JAG1: variants seen among roughly 807,000 people sequenced by gnomAD.
JAG1 encodes the protein jagged canonical Notch ligand 1.
Under a neutral mutation model 148.7 loss-of-function variants are expected in JAG1, and 23 were observed. That is an observed-to-expected ratio of 0.15 (90% CI 0.11 to 0.22). The LOEUF is 0.22. JAG1 is among the 10% of genes least tolerant of loss of function. The pLI is 1.00. For missense variants in JAG1, 1,054 were observed against 1,611.2 expected (o/e 0.65, Z 5.92); for synonymous variants, 572 against 598.3 (o/e 0.96, Z 0.64).
In JAG1 at chr20:10,641,447, GGTT is replaced by G; in HGVS notation, c.2916+10_2916+12del. The G allele has an allele frequency of 6.2e-7, 1 of 1,604,306 alleles. No homozygotes were observed. On this transcript the variant is annotated intron_variant, in intron 23 of 25. Transcript: ENST00000254958. ...ATCCACCATTCAAAAAAAAAACAAA[GGTT>G]GTTACATACTGGTGACATCATCTCC... is the stretch of plus-strand genomic sequence containing the variant.
Position 10,642,354 on chromosome 20 carries a change from T to A in JAG1, c.2572+134A>T, listed in dbSNP as rs142231968. 8 of 698,944 alleles carry A rather than the reference T, an allele frequency of 1.1e-5. 1 individual carries two copies. In the South Asian group the frequency reaches 1.2e-4, roughly 10 times the overall value. 43.3% of individuals were successfully genotyped at this position (698,944 alleles called of 1,614,324 possible). On this transcript the variant is annotated intron_variant, in intron 21 of 25. Transcript: ENST00000254958. ...CCTGTTTTGGGGAAGACTCTTCACGTTCCCTTTCCCTTGTAGTCCCACTGT... is the reference window on the plus strand; with the variant it reads ...CCTGTTTTGGGGAAGACTCTTCACGATCCCTTTCCCTTGTAGTCCCACTGT...
rs749293754 is a variant in JAG1, at chr20:10,658,669, G to C, written c.493C>G (p.Arg165Gly). Residue 165 changes from arginine (R) to glycine (G), a missense_variant, in exon 4 of 26, where the codon CGG becomes GGG. Transcript: ENST00000254958. ...TTCTGCTTCAGCGTCTGCCACTGCC[G>C]GCTGGGGTTGATCATGCCCGAGTGA... ...ASHSGMINPS[R>G]QWQTLKQNTG... is the part of the protein sequence containing the mutation. The C allele has an allele frequency of 6.2e-7, 1 of 1,614,084 alleles. No homozygotes were observed. Among genetic ancestry groups the C allele is most frequent in the Non-Finnish European group, 8.5e-7 (1 of 1,180,030 alleles).
At chr20:10,658,018 T>C (rs539443108) in intron 4 of JAG1, among the ~76,000 whole-genome samples, 1 of 152,184 alleles carries the variant, frequency 6.6e-6, no homozygotes, top group Admixed American at 6.5e-5. Context: ...GGGAAGCAGA[T>C]GGGGTAGGGG....
At chr20:10,647,506 C>CCAGCCAT in intron 13 of JAG1, among the ~76,000 whole-genome samples, 1 of 152,238 alleles carries the variant, frequency 6.6e-6, no homozygotes, top group Non-Finnish European at 1.5e-5. Flanking sequence ...ACAGCAGCCA[C>CCAGCCAT]CGGCCACATG....
intron 13 of JAG1, 25 bp downstream of exon 13, chr20:10,647,935 C>G (rs2067320465): frequency 8.1e-6 from 13 of 1,613,318 alleles, no homozygotes; most frequent in Middle Eastern, 1.8e-4. Context: ...CTGGAGACAG[C>G]CAGGTCCCGG....
chr20:10,671,669 G>A (rs1368465018), intron 2 of JAG1, among the ~76,000 whole-genome samples: 1 of 152,120 alleles, frequency 6.6e-6, no homozygotes, highest in East Asian at 1.9e-4. Context: ...CCCAGTCTTG[G>A]CAATGAGTCA....
intron 11 of JAG1, 99 bp from the exon 12 acceptor site, chr20:10,648,821 T>G (rs988878631): frequency 8.1e-7 from 1 of 1,232,928 alleles, no homozygotes; most frequent in Non-Finnish European, 1.2e-6. Context: ...GCGGTTTAGC[T>G]GGTTCACTGA....
intron 13 of JAG1, 55 bp downstream of exon 13, chr20:10,647,905 T>A (rs1277398452): frequency 1.3e-6 from 2 of 1,589,196 alleles, no homozygotes; most frequent in East Asian, 4.5e-5. Context: ...TGGTAGTAAG[T>A]GGGGACAAAA....
intron 9 of JAG1, 32 bp from the exon 10 acceptor site, chr20:10,649,667 G>A: frequency 7.7e-7 from 1 of 1,300,858 alleles, no homozygotes; most frequent in Non-Finnish European, 1.1e-6. Flanking sequence ...CATGAGAAAT[G>A]AAGTTCAACC....
chr20:10,670,738 C>A (rs1262849472), intron 2 of JAG1, among the ~76,000 whole-genome samples: 1 of 152,180 alleles, frequency 6.6e-6, no homozygotes, highest in African/African-American at 2.4e-5. Flanking sequence ...TCAAAAGAAC[C>A]ACATTTTCAG....
At chr20:10,650,454 T>C (rs537775883) in intron 8 of JAG1, 94 bp from the exon 9 acceptor site, 33 of 756,900 alleles carry the variant, frequency 4.4e-5, no homozygotes, top group Middle Eastern at 2.4e-4. Context: ...GGGGCTGTCA[T>C]TGAAGAGCCA....
chr20:10,652,124 C>G lies in JAG1; in HGVS notation c.1006+7G>C, dbSNP rs762379208. ...CAAAGGGCTCTCATTCATCTTGGAC[C>G]ACTTACCAATTTCACAGTTGGGTCC... is the stretch of plus-strand genomic sequence containing the variant. On this transcript the variant is annotated splice_region_variant and intron_variant, in intron 7 of 25. Coordinates refer to ENST00000254958, the MANE Select transcript of JAG1 (RefSeq NM_000214.3). 5 of 1,613,814 alleles carry G rather than the reference C, an allele frequency of 3.1e-6. No homozygotes were observed. The highest frequency in any genetic ancestry group is 4.2e-6 in the Non-Finnish European group (5 of 1,179,850).
rs35826283 is a variant in JAG1 at position 10,659,559 on chromosome 20, CTTTTTTTTTTTTTT to C, written c.440-851_440-838del. 1.4e-3 allele frequency among the ~76,000 whole-genome samples: 144 copies of C among 105,160 alleles called. 1 individual carries two copies. Among genetic ancestry groups the C allele is most frequent in the Non-Finnish European group, 2.2e-3 (116 of 53,474 alleles). The allele number at this position is 105,160 out of a possible 152,430, so 69.0% of individuals were successfully genotyped here. On this transcript the variant is annotated intron_variant, in intron 3 of 25. Transcript: ENST00000254958. Reference sequence around the variant, plus strand: ...GGAAGCCAAGGAGACGATTAAGTTACTTTTTTTTTTTTTTTTTTTTTTTTTTTTACAATTGTTAA... The same window carrying C: ...GGAAGCCAAGGAGACGATTAAGTTACTTTTTTTTTTTTTTACAATTGTTAA...
chr20:10,645,008 C>CT lies in JAG1; in HGVS notation c.2228-30dup, dbSNP rs753642110. The CT allele has an allele frequency of 9.5e-6, 15 of 1,577,734 alleles. No individual in the cohort carries two copies. In the East Asian group the frequency reaches 1.1e-4, roughly 12 times the overall value. On this transcript the variant is annotated intron_variant, in intron 17 of 25. Transcript: ENST00000254958. This position sits in a 1 kb window ranked among gnomAD's most constrained non-coding sequence, Gnocchi z 6.1. ...TAAAAGAAGAGCAGACACGACCACC[C>CT]TCCCTGAGTATCCAGAAACAGTCTG...
intron 10 of JAG1, 126 bp from the exon 11 acceptor site, chr20:10,649,233 T>C (rs1159354896): frequency 2.7e-6 from 2 of 733,834 alleles, no homozygotes; most frequent in African/African-American, 1.8e-5. Context: ...TTCCGTGAGA[T>C]AAGGTTATTA....
chr20:10,640,296 C>T (rs1180055242), intron 25 of JAG1, among the ~76,000 whole-genome samples: 1 of 152,190 alleles, frequency 6.6e-6, no homozygotes, highest in African/African-American at 2.4e-5. Flanking sequence ...AACTAGAAAT[C>T]CGATTCAAAT....
At chr20:10,664,580 G>A (rs772388955) in intron 2 of JAG1, among the ~76,000 whole-genome samples, 15 of 152,052 alleles carry the variant, frequency 9.9e-5, no homozygotes, top group South Asian at 6.2e-4. Flanking sequence ...CACAAGTATC[G>A]GGTAACTCTA....
chr20:10,654,059 G>A lies in JAG1; in HGVS notation c.756-1461C>T, dbSNP rs569090204. Among the ~76,000 whole-genome samples, 54 of 152,348 alleles carry A rather than the reference G, an allele frequency of 3.5e-4. 1 individual carries two copies. In the South Asian group the frequency reaches 0.01, roughly 29 times the overall value. On this transcript the variant is annotated intron_variant, in intron 5 of 25. Coordinates refer to ENST00000254958, the MANE Select transcript of JAG1 (RefSeq NM_000214.3). The stretch of plus-strand genomic sequence containing the variant: ...GGACACCCACGTTAGTGGGAGGTAA[G>A]GGTGTAGCCATTCTGTCAAGGCTGA...
intron 2 of JAG1, among the ~76,000 whole-genome samples, chr20:10,671,648 C>A (rs990776245): frequency 6.6e-6 from 1 of 152,178 alleles, no homozygotes; most frequent in Non-Finnish European, 1.5e-5. Context: ...CCAGCACAGG[C>A]TAGGCCAAGC....
Sources: allele counts gnomAD v4.1 joint callset (sites outside exome capture counted in the v4.1 genomes callset), GRCh38; gene constraint gnomAD v4.1.1; non-coding constraint Gnocchi (gnomAD v3.1); transcripts MANE v1.5; gene names NCBI Gene and HGNC (gene_info 2026-07-23, HGNC 2026-07-21).